Variants in SPHKAP observed in about 807,000 individuals in gnomAD.
SPHKAP encodes A-kinase anchor protein SPHKAP.
A neutral mutation model predicts 137.5 loss-of-function variants in SPHKAP; 67 were observed. The observed-to-expected ratio is 0.49, with a 90% confidence interval of 0.40 to 0.60. The LOEUF (loss-of-function observed/expected upper bound fraction) is 0.60, where lower values mean the gene tolerates loss of function less well. Ranked by LOEUF, SPHKAP falls within the 20% of genes least tolerant of loss-of-function variation. The probability of loss-of-function intolerance (pLI) is 0.00; values close to 1 mark genes in which losing one functional copy is unlikely to be tolerated. For missense variants in SPHKAP, 2,097 were observed against 2,069.3 expected (o/e 1.01, Z -0.26); for synonymous variants, 813 against 785.3 (o/e 1.04, Z -0.59).
Position 227,995,542 on chromosome 2 carries a change from C to T in SPHKAP, c.4601G>A (p.Ser1534Asn), listed in dbSNP as rs1223404103. Residue 1534 changes from serine (S) to asparagine (N), a missense_variant, in exon 8 of 12, where the codon AGT becomes AAT. Coordinates refer to ENST00000392056, the MANE Select transcript of SPHKAP (RefSeq NM_001142644.2). Reference protein sequence around the residue: ...ANEEDNPDDTSSFLQLSERSM... With the variant: ...ANEEDNPDDTNSFLQLSERSM... Reference sequence around the variant, plus strand: ...TCGCTCACTGAGCTGGAGAAAGCTACTTGTGTCATCTGGGTTGTCTTCCTC... The same window carrying T: ...TCGCTCACTGAGCTGGAGAAAGCTATTTGTGTCATCTGGGTTGTCTTCCTC... 1.9e-6 allele frequency: 3 copies of T among 1,614,122 alleles called. No individual in the cohort carries two copies. The highest frequency in any genetic ancestry group is 1.1e-5 in the South Asian group (1 of 91,076).
chr2:228,139,476 T>C (rs12617195), intron 1 of SPHKAP, among the ~76,000 whole-genome samples: 52,088 of 152,068 alleles, frequency 0.34, 9,200 homozygotes, highest in East Asian at 0.51. Flanking sequence ...ATAACACTTA[T>C]TGAACAATCT....
At chr2:228,065,958 G>A (rs1322594803) in intron 3 of SPHKAP, among the ~76,000 whole-genome samples, 4 of 152,168 alleles carry the variant, frequency 2.6e-5, no homozygotes, top group Non-Finnish European at 4.4e-5. Flanking sequence ...TGGTGCAGCT[G>A]TGCAAAAACG....
chr2:228,058,424 G>A (rs953431703), intron 3 of SPHKAP, among the ~76,000 whole-genome samples: 2 of 152,090 alleles, frequency 1.3e-5, no homozygotes, highest in African/African-American at 4.8e-5. Flanking sequence ...GTCAAGATAG[G>A]CATTAACATT....
chr2:228,001,945 A>T (rs1162671658), intron 7 of SPHKAP, among the ~76,000 whole-genome samples: 1 of 152,166 alleles, frequency 6.6e-6, no homozygotes, highest in Non-Finnish European at 1.5e-5. Flanking sequence ...TATATGTGCC[A>T]CATTTTCTTA....
At chr2:228,053,172 C>T (rs1272110104) in intron 3 of SPHKAP, among the ~76,000 whole-genome samples, 1 of 152,060 alleles carries the variant, frequency 6.6e-6, no homozygotes, top group East Asian at 1.9e-4. Context: ...CTCTCTTCCC[C>T]CTGGTGTCTC....
At chr2:228,068,294 C>T (rs1696892093) in intron 3 of SPHKAP, among the ~76,000 whole-genome samples, 1 of 151,744 alleles carries the variant, frequency 6.6e-6, no homozygotes, top group Admixed American at 6.6e-5. Flanking sequence ...TTAAAACGTC[C>T]ATACTATCCA....
chr2:228,093,750 C>G (rs929102658), intron 3 of SPHKAP, among the ~76,000 whole-genome samples: 1 of 147,764 alleles, frequency 6.8e-6, no homozygotes, highest in Non-Finnish European at 1.5e-5. Context: ...CTCAGCTACT[C>G]AAGAGGCTGA....
At position 228,045,042 on chromosome 2, in the gene SPHKAP, G is replaced by A. The variant is rs374657780; in HGVS notation, c.247-17499C>T. 3.2e-3 allele frequency among the ~76,000 whole-genome samples: 487 copies of A among 151,464 alleles called. 9 individuals carry two copies. Among genetic ancestry groups the A allele is most frequent in the Admixed American group, 3.4e-3 (51 of 15,196 alleles). On this transcript the variant is annotated intron_variant, in intron 3 of 11. Coordinates refer to ENST00000392056, the MANE Select transcript of SPHKAP (RefSeq NM_001142644.2). ...TCAGAGAAATGCAAATCAAAACCACGATGAGATACCATCTCACACCAGTTA... is the reference window on the plus strand; with the variant it reads ...TCAGAGAAATGCAAATCAAAACCACAATGAGATACCATCTCACACCAGTTA...
intron 3 of SPHKAP, among the ~76,000 whole-genome samples, chr2:228,028,408 A>T (rs1391111233): frequency 6.6e-6 from 1 of 152,186 alleles, no homozygotes; most frequent in Non-Finnish European, 1.5e-5. Context: ...TAAATGTCTG[A>T]ATGGGTTAGT....
chr2:228,097,892 A>G (rs1308050876), intron 3 of SPHKAP, among the ~76,000 whole-genome samples: 4 of 152,220 alleles, frequency 2.6e-5, no homozygotes, highest in Non-Finnish European at 4.4e-5. Context: ...ATAGATGGGA[A>G]TCTGGGTTAA....
At chr2:228,032,508 T>G (rs980761916) in intron 3 of SPHKAP, among the ~76,000 whole-genome samples, 1 of 152,006 alleles carries the variant, frequency 6.6e-6, no homozygotes, top group Non-Finnish European at 1.5e-5. Context: ...AGGCAAACAT[T>G]CAGATCCAGG....
intron 3 of SPHKAP, among the ~76,000 whole-genome samples, chr2:228,063,773 A>C (rs1195534886): frequency 1.3e-5 from 2 of 152,212 alleles, no homozygotes; most frequent in African/African-American, 2.4e-5. Flanking sequence ...AGATTACATT[A>C]ATGATTTGAC....
In SPHKAP at chr2:228,126,407, T is replaced by C. The variant is rs535277155; in HGVS notation, c.138+5573A>G. Reference sequence around the variant, plus strand: ...ATTCTGAGGTCATGTCCAGGTTCAATAGGCTCAATTATCAATGTCAGTTAA... The same window carrying C: ...ATTCTGAGGTCATGTCCAGGTTCAACAGGCTCAATTATCAATGTCAGTTAA... On this transcript the variant is annotated intron_variant, in intron 2 of 11. Coordinates refer to ENST00000392056, the MANE Select transcript of SPHKAP (RefSeq NM_001142644.2). Among the ~76,000 whole-genome samples the C allele has an allele frequency of 1.9e-4, 29 of 152,260 alleles. No homozygotes were observed. In the South Asian group the frequency reaches 2.7e-3, roughly 14 times the overall value.
At chr2:228,144,795 A>G (rs1207004800) in intron 1 of SPHKAP, among the ~76,000 whole-genome samples, 1 of 152,200 alleles carries the variant, frequency 6.6e-6, no homozygotes, top group African/African-American at 2.4e-5. Context: ...TACTGCTTTG[A>G]TGATGAGTTG....
In SPHKAP at chr2:227,994,343, C is replaced by T. The variant is rs140816449; in HGVS notation, c.4635-723G>A. ...GGTCTAGTTACTAGCCTGGAACTTA[C>T]TGACTGAAACACAGCAAAGTTGAGC... On this transcript the variant is annotated intron_variant, in intron 8 of 11. Coordinates refer to ENST00000392056, the MANE Select transcript of SPHKAP (RefSeq NM_001142644.2). Among the ~76,000 whole-genome samples the T allele has an allele frequency of 5.9e-3, 898 of 152,302 alleles. 8 individuals are homozygous for T. The highest frequency in any genetic ancestry group is 0.021 in the African/African-American group (859 of 41,556).
At chr2:228,123,278 G>A (rs763938258) in intron 2 of SPHKAP, among the ~76,000 whole-genome samples, 1 of 152,140 alleles carries the variant, frequency 6.6e-6, no homozygotes, top group Non-Finnish European at 1.5e-5. Flanking sequence ...CTTGCAGAAT[G>A]GTGATAAAAC....
chr2:228,136,221 T>G (rs550226468), intron 1 of SPHKAP, among the ~76,000 whole-genome samples: 1 of 152,202 alleles, frequency 6.6e-6, no homozygotes, highest in Non-Finnish European at 1.5e-5. Context: ...AATTCTTCCC[T>G]GGGAGATTTT....
At chr2:228,008,311 T>C (rs1439837852) in intron 7 of SPHKAP, among the ~76,000 whole-genome samples, 1 of 150,722 alleles carries the variant, frequency 6.6e-6, no homozygotes, top group Admixed American at 6.6e-5. Flanking sequence ...TTTTTTTTTT[T>C]CCTGCGAGAG....
chr2:228,024,473 G>C lies in SPHKAP; in HGVS notation c.441+921C>G, dbSNP rs79635570. 9.1e-3 allele frequency among the ~76,000 whole-genome samples: 1,378 copies of C among 151,942 alleles called. 21 individuals carry two copies. The highest frequency in any genetic ancestry group is 0.03 in the African/African-American group (1,259 of 41,442). On this transcript the variant is annotated intron_variant, in intron 5 of 11. Coordinates refer to ENST00000392056, the MANE Select transcript of SPHKAP (RefSeq NM_001142644.2). Reference sequence around the variant, plus strand: ...CCTAGGATTCATGTAAAACTTATAGGACACAAGCCTTGTTAGTAGCTACAA... The same window carrying C: ...CCTAGGATTCATGTAAAACTTATAGCACACAAGCCTTGTTAGTAGCTACAA...
Sources: gnomAD v4.1 joint callset for allele counts (sites outside exome capture counted in the v4.1 genomes callset) on GRCh38, gnomAD v4.1.1 for gene constraint, MANE v1.5 for transcripts, NCBI Gene and HGNC (gene_info 2026-07-23, HGNC 2026-07-21) for gene names.